The following HIVEP2 variants were observed in gnomAD, a reference collection of about 807,000 sequenced individuals.
The protein encoded by HIVEP2 is transcription factor HIVEP2.
A neutral mutation model predicts 180.7 loss-of-function variants in HIVEP2; 14 were observed. The ratio of observed to expected loss-of-function variants is 0.08; its 90% CI spans 0.05 to 0.12. The LOEUF (loss-of-function observed/expected upper bound fraction) is 0.12, where lower values mean the gene tolerates loss of function less well. Among genes scored for constraint, HIVEP2 ranks in the 10% least tolerant of loss-of-function variants. The probability of loss-of-function intolerance (pLI) is 1.00; values close to 1 mark genes in which losing one functional copy is unlikely to be tolerated. For missense variants in HIVEP2, 2,579 were observed against 3,008.5 expected (o/e 0.86, Z 3.34); for synonymous variants, 1,184 against 1,136.4 (o/e 1.04, Z -0.84).
At position 142,753,322 on chromosome 6, in the gene HIVEP2, C is replaced by G. The variant is rs1165179045; in HGVS notation, c.7126G>C (p.Glu2376Gln). The G allele has an allele frequency of 1.2e-6, 2 of 1,614,146 alleles. No homozygotes were observed. The highest frequency in any genetic ancestry group is 1.1e-5 in the South Asian group (1 of 91,084). Reference protein sequence around the residue: ...HVSIRHFSRPEPGQPCTSATH... With the variant: ...HVSIRHFSRPQPGQPCTSATH... ...GCTGAGGTACAGGGCTGACCTGGCTCAGGTCTACTAAAGTGTCTAATGCTA... is the reference window on the plus strand; with the variant it reads ...GCTGAGGTACAGGGCTGACCTGGCTGAGGTCTACTAAAGTGTCTAATGCTA... Residue 2376 changes from glutamate to glutamine, a missense_variant, in exon 10 of 10, where the codon GAG (glutamate) becomes CAG (glutamine). This residue lies in a region of HIVEP2 where 660 missense variants were observed against 731.7 expected (regional missense o/e 0.90). Transcript: ENST00000367603.
chr6:142,938,361 C>T (rs1227914387), intron 1 of HIVEP2, among the ~76,000 whole-genome samples: 5 of 152,226 alleles, frequency 3.3e-5, no homozygotes, highest in African/African-American at 1.2e-4. Context: ...CATATGTACA[C>T]TATTAAACTA....
chr6:142,761,672 A>T, intron 7 of HIVEP2, 107 bp from the exon 8 acceptor site: 1 of 738,384 alleles, frequency 1.4e-6, no homozygotes. Flanking sequence ...TATTAAATTC[A>T]TCATGTAACA....
At chr6:142,908,854 C>CA (rs11443809) in intron 1 of HIVEP2, among the ~76,000 whole-genome samples, 34,505 of 87,492 alleles carry the variant, frequency 0.39, 6,410 homozygotes, top group African/African-American at 0.45. Flanking sequence ...TACCACCTCT[C>CA]AAAAAAAAAA....
Position 142,753,689 on chromosome 6 carries a change from C to A in HIVEP2, c.6759G>T (p.Leu2253Phe). The change falls in exon 10 of 10, where the codon TTG becomes TTT. Residue 2253 changes from leucine (L) to phenylalanine (F), a missense_variant. Physicochemically the swap from Leu to Phe is conservative, Grantham distance 22. Transcript: ENST00000367603. ...CCTCAAAGCCCTCCATTGGCAGGGG[C>A]AATGTGGGTGAAGGATGTAAACTGG... Reference protein sequence around the residue: ...ALSSLHPSPTLPLPMEGFEEK... With the variant: ...ALSSLHPSPTFPLPMEGFEEK... The A allele has an allele frequency of 6.2e-7, 1 of 1,614,080 alleles. No homozygotes were observed. Among genetic ancestry groups the A allele is most frequent in the Non-Finnish European group, 8.5e-7 (1 of 1,180,010 alleles).
At chr6:142,932,241 C>T (rs940182232) in intron 1 of HIVEP2, among the ~76,000 whole-genome samples, 1 of 152,154 alleles carries the variant, frequency 6.6e-6, no homozygotes, top group Non-Finnish European at 1.5e-5. Context: ...TATTTATACT[C>T]TACTTCATAT....
At chr6:142,942,416 C>G (rs1371895942) in intron 1 of HIVEP2, among the ~76,000 whole-genome samples, 3 of 152,182 alleles carry the variant, frequency 2.0e-5, no homozygotes, top group Non-Finnish European at 2.9e-5. Flanking sequence ...CAGACACATG[C>G]ACCATTACTC....
At chr6:142,892,961 CAA>C (rs1349880045) in intron 1 of HIVEP2, among the ~76,000 whole-genome samples, 1 of 152,134 alleles carries the variant, frequency 6.6e-6, no homozygotes, top group Non-Finnish European at 1.5e-5. Flanking sequence ...TAACATAGAG[CAA>C]AAGTTACATG....
intron 2 of HIVEP2, among the ~76,000 whole-genome samples, chr6:142,810,483 C>T (rs997251548): frequency 6.6e-6 from 1 of 152,110 alleles, no homozygotes; most frequent in African/African-American, 2.4e-5. Flanking sequence ...AAATATTAGG[C>T]TAGGTTCAGT....
At chr6:142,921,257 A>G (rs1777675951) in intron 1 of HIVEP2, among the ~76,000 whole-genome samples, 1 of 152,206 alleles carries the variant, frequency 6.6e-6, no homozygotes, top group Admixed American at 6.5e-5. Flanking sequence ...AAATATGAGG[A>G]TAGGCTGCGC....
In HIVEP2 at chr6:142,764,794, T is replaced by C. The variant is rs374184023; in HGVS notation, c.5518+5A>G. Reference sequence around the variant, plus strand: ...TTTTTCCTCTCAAAAAAATCAGACTTGTACCTTTCGTTTTGAAGGCAAAGT... The same window carrying C: ...TTTTTCCTCTCAAAAAAATCAGACTCGTACCTTTCGTTTTGAAGGCAAAGT... On this transcript the variant is annotated splice_donor_5th_base_variant and intron_variant, in intron 7 of 9. Coordinates refer to ENST00000367603, the MANE Select transcript of HIVEP2 (RefSeq NM_006734.4). 15 of 1,612,408 alleles carry C rather than the reference T, an allele frequency of 9.3e-6. No individual in the cohort carries two copies. The African/African-American group carries it at 1.7e-4, about 19-fold the overall frequency.
At position 142,769,729 on chromosome 6, in the gene HIVEP2, A is replaced by G; in HGVS notation, c.5010T>C (p.Tyr1670=). The G allele has an allele frequency of 1.2e-6, 2 of 1,614,246 alleles. No homozygotes were observed. Among genetic ancestry groups the G allele is most frequent in the Non-Finnish European group, 8.5e-7 (1 of 1,180,046 alleles). The change falls in exon 5 of 10, where the codon TAT becomes TAC. Residue 1670 remains tyrosine, a synonymous_variant. Transcript: ENST00000367603. ...VQQATFKSSV[Y]ASWCISSCNP... ...TACAGGAACTAATGCACCATGAAGC[A>G]TAAACCGAGGATTTGAAGGTGGCCT...
intron 2 of HIVEP2, among the ~76,000 whole-genome samples, chr6:142,829,527 T>C (rs533991163): frequency 6.6e-6 from 1 of 152,304 alleles, no homozygotes; most frequent in East Asian, 1.9e-4. Flanking sequence ...TAGTACAAGT[T>C]TTCTTATATC....
At chr6:142,888,706 A>G (rs898573123) in intron 1 of HIVEP2, among the ~76,000 whole-genome samples, 5 of 151,960 alleles carry the variant, frequency 3.3e-5, no homozygotes, top group African/African-American at 1.2e-4. Context: ...GTCATCCTTA[A>G]CTCCTCCTTA....
At chr6:142,803,788 T>C (rs1031788520) in intron 2 of HIVEP2, among the ~76,000 whole-genome samples, 1 of 152,126 alleles carries the variant, frequency 6.6e-6, no homozygotes, top group Admixed American at 6.6e-5. Context: ...ATTCACTCCC[T>C]GAGACACAGA....
intron 1 of HIVEP2, among the ~76,000 whole-genome samples, chr6:142,838,773 TA>T (rs1222457662): frequency 1.3e-5 from 2 of 152,176 alleles, no homozygotes; most frequent in Non-Finnish European, 2.9e-5. Context: ...AAAACTGACT[TA>T]CGCAAAAGTC....
intron 3 of HIVEP2, among the ~76,000 whole-genome samples, chr6:142,777,648 C>CAAAAAAAAAAAAAAAAAAAAAAAAAAAA (rs58304452): frequency 3.6e-5 from 1 of 27,674 alleles, no homozygotes; most frequent in African/African-American, 1.7e-4. Context: ...AACTCCATCT[C>CAAAAAAAAAAAAAAAAAAAAAAAAAAAA]AAAAAAAAAA....
intron 2 of HIVEP2, among the ~76,000 whole-genome samples, chr6:142,803,776 C>T (rs1457679535): frequency 6.6e-6 from 1 of 152,096 alleles, no homozygotes; most frequent in African/African-American, 2.4e-5. Flanking sequence ...TCAAGGGCCA[C>T]AATTCACTCC....
At chr6:142,832,344 G>C (rs1013549903) in intron 2 of HIVEP2, among the ~76,000 whole-genome samples, 4 of 152,140 alleles carry the variant, frequency 2.6e-5, no homozygotes, top group Middle Eastern at 6.8e-3. Flanking sequence ...GCAATTTACA[G>C]TGCAGGCATA....
chr6:142,786,850 A>T (rs1023418393), intron 2 of HIVEP2, among the ~76,000 whole-genome samples: 1 of 152,162 alleles, frequency 6.6e-6, no homozygotes, highest in African/African-American at 2.4e-5. Context: ...CATTGGCAGA[A>T]CTCTCAAGTA....
Sources: gnomAD v4.1 joint callset for allele counts (sites outside exome capture counted in the v4.1 genomes callset) on GRCh38, gnomAD v4.1.1 for gene constraint, gnomAD v4.1.1 regional missense constraint, MANE v1.5 for transcripts, NCBI Gene and HGNC (gene_info 2026-07-23, HGNC 2026-07-21) for gene names.